PCDHGB2: variants seen among roughly 807,000 people sequenced by gnomAD.
PCDHGB2 encodes the protein protocadherin gamma subfamily B, 2.
A neutral mutation model predicts 59.3 loss-of-function variants in PCDHGB2; 55 were observed. The ratio of observed to expected loss-of-function variants is 0.93; its 90% CI spans 0.75 to 1.16. The LOEUF (loss-of-function observed/expected upper bound fraction) is 1.16, where lower values mean the gene tolerates loss of function less well. Among genes scored for constraint, PCDHGB2 ranks in the 50% most tolerant of loss-of-function variants. The pLI is 0.00. For synonymous variants in PCDHGB2, 516 were observed against 512.0 expected, an observed-to-expected ratio of 1.01 and a Z score of -0.11; for missense variants, 1,228 against 1,198.5, an observed-to-expected ratio of 1.02 and a Z score of -0.36.
At chr5:141,440,558 T>C (rs546919141) in intron 1 of PCDHGB2, 1 of 152,350 alleles carries the variant, frequency 6.6e-6, no homozygotes, top group East Asian at 1.9e-4. Context: ...TGTTATTAAG[T>C]TACGTATCTC....
At chr5:141,450,815 A>T (rs183350620) in intron 1 of PCDHGB2, among the ~76,000 whole-genome samples, 1,650 of 126,706 alleles carry the variant, frequency 0.013, 15 homozygotes, top group African/African-American at 0.032. Context: ...TATTTATTTA[A>T]TATTATTATT....
intron 1 of PCDHGB2, chr5:141,471,553 TG>T (rs1217142933): frequency 6.6e-6 from 1 of 152,224 alleles, no homozygotes; most frequent in African/African-American, 2.4e-5. Flanking sequence ...AAGGTTGCTT[TG>T]ACTCAGGGGT....
At chr5:141,366,924 G>T in intron 1 of PCDHGB2, 1 of 997,638 alleles carries the variant, frequency 1.0e-6, no homozygotes, top group Non-Finnish European at 1.4e-6. Flanking sequence ...TTCAAATTCT[G>T]TTTTGGGAAG....
intron 1 of PCDHGB2, chr5:141,419,312 G>A (rs35892780): frequency 1.2e-6 from 2 of 1,613,962 alleles, no homozygotes; most frequent in South Asian, 2.2e-5. Context: ...CGGGCTCAAC[G>A]GCCGTGTCTC....
intron 1 of PCDHGB2, chr5:141,375,706 T>C: frequency 6.2e-7 from 1 of 1,614,232 alleles, no homozygotes; most frequent in Non-Finnish European, 8.5e-7. Flanking sequence ...GGGACCCGCC[T>C]CTTAGCAGCA....
rs1471863168 is a variant in PCDHGB2, at chr5:141,476,550, G to A, written c.2422-18257G>A. ...ACCCAGGAAATGAAATTGGAGATTA[G>A]CGAGGCCGTGGCTCCGGGGACGCGC... On this transcript the variant is annotated intron_variant, in intron 1 of 3. Transcript: ENST00000522605. The surrounding 1 kb of genome is among the most constrained non-coding windows in gnomAD (Gnocchi z 7.6). 1.2e-6 allele frequency: 2 copies of A among 1,614,110 alleles called. No individual in the cohort carries two copies. The highest frequency in any genetic ancestry group is 4.5e-5 in the East Asian group (2 of 44,884).
Position 141,476,570 on chromosome 5 carries a change from A to G in PCDHGB2, c.2422-18237A>G. ...GATTAGCGAGGCCGTGGCTCCGGGG[A>G]CGCGCTTTCCGCTCGAGAGCGCGCA... On this transcript the variant is annotated intron_variant, in intron 1 of 3. Transcript: ENST00000522605. The surrounding 1 kb of genome is among the most constrained non-coding windows in gnomAD (Gnocchi z 7.6). 3 of 1,614,114 alleles carry G rather than the reference A, an allele frequency of 1.9e-6. No individual in the cohort carries two copies. The highest frequency in any genetic ancestry group is 2.5e-6 in the Non-Finnish European group (3 of 1,180,012).
intron 1 of PCDHGB2, among the ~76,000 whole-genome samples, chr5:141,467,109 A>G (rs1431550069): frequency 2.0e-5 from 3 of 150,594 alleles, no homozygotes; most frequent in African/African-American, 4.9e-5. Context: ...CTGGAGTACA[A>G]TGGTGCAATC....
rs1761497607 is a variant in PCDHGB2, at chr5:141,360,251, A to G, written c.116A>G (p.Glu39Gly). ...GTCCAGATCCGCTATTCAATTCCAG[A>G]GGAGCTGGCCAAAAACTCGGTCGTA... ...LPVQIRYSIP[E>G]ELAKNSVVGN... Residue 39 changes from glutamate (E) to glycine (G), a missense_variant, in exon 1 of 4, where the codon GAG (glutamate) becomes GGG (glycine). Around this residue, in one of 3 missense-constraint regions of PCDHGB2, gnomAD observed 781 missense variants for 721.6 expected, o/e 1.08. Transcript: ENST00000522605. The G allele has an allele frequency of 6.2e-7, 1 of 1,613,914 alleles. No homozygotes were observed. The highest frequency in any genetic ancestry group is 1.7e-5 in the Admixed American group (1 of 60,024).
intron 1 of PCDHGB2, chr5:141,410,343 G>C: frequency 6.2e-7 from 1 of 1,613,964 alleles, no homozygotes; most frequent in Non-Finnish European, 8.5e-7. Flanking sequence ...ATTGCCTTGC[G>C]CCTGCGACGC....
In PCDHGB2 at chr5:141,482,326, GAAT is replaced by G. The variant is rs1344469521; in HGVS notation, c.2422-12479_2422-12477del. Among the ~76,000 whole-genome samples, 3 of 152,072 alleles carry G rather than the reference GAAT, an allele frequency of 2.0e-5. No homozygotes were observed. The East Asian group carries it at 5.8e-4, about 29-fold the overall frequency. ...AGTTTCCTCATCTATAAAATAAAGAGAATATCTACTTTGCAAACTTGTTGTGAG... is the reference window on the plus strand; with the variant it reads ...AGTTTCCTCATCTATAAAATAAAGAGATCTACTTTGCAAACTTGTTGTGAG... On this transcript the variant is annotated intron_variant, in intron 1 of 3. Transcript: ENST00000522605.
At chr5:141,372,966 C>T (rs1024382365) in intron 1 of PCDHGB2, 3 of 687,330 alleles carry the variant, frequency 4.4e-6, no homozygotes, top group Non-Finnish European at 7.0e-6. Context: ...TGTAGAATTT[C>T]CTGTAGAATA....
At chr5:141,399,557 TG>T in intron 1 of PCDHGB2, 1 of 1,613,968 alleles carries the variant, frequency 6.2e-7, no homozygotes, top group Non-Finnish European at 8.5e-7. Context: ...GACCTGGACT[TG>T]GGGTTGAACG....
chr5:141,460,961 ATGTGTGTG>A (rs35821115), intron 1 of PCDHGB2, among the ~76,000 whole-genome samples: 11 of 144,552 alleles, frequency 7.6e-5, no homozygotes, highest in South Asian at 2.2e-4. Context: ...GTATATATAT[ATGTGTGTG>A]TGTGTGTGTG....
At position 141,373,653 on chromosome 5, in the gene PCDHGB2, A is replaced by T. The variant is rs149501628; in HGVS notation, c.2421+11097A>T. Among the ~76,000 whole-genome samples, 35 of 152,376 alleles carry T rather than the reference A, an allele frequency of 2.3e-4. No individual in the cohort carries two copies. In the East Asian group the frequency reaches 6.4e-3, roughly 28 times the overall value. On this transcript the variant is annotated intron_variant, in intron 1 of 3. Transcript: ENST00000522605. The stretch of plus-strand genomic sequence containing the variant: ...TTTCTGTTCCCCAAGGTCCTAAGAG[A>T]TATTTTCATAAAAATGAATGGTAAA...
chr5:141,403,201 C>G (rs1486888915), intron 1 of PCDHGB2: 1 of 1,614,002 alleles, frequency 6.2e-7, no homozygotes, highest in East Asian at 2.2e-5. Context: ...GCAGCGGCAC[C>G]TTGGTCACCG....
intron 1 of PCDHGB2, among the ~76,000 whole-genome samples, chr5:141,373,661 A>T (rs766983811): frequency 6.6e-6 from 1 of 152,270 alleles, no homozygotes; most frequent in Non-Finnish European, 1.5e-5. Context: ...AGATATTTTC[A>T]TAAAAATGAA....
intron 1 of PCDHGB2, chr5:141,400,729 A>G: frequency 1.5e-6 from 1 of 649,042 alleles, no homozygotes. Flanking sequence ...TTTACAAAGT[A>G]GTGAGAGTTT....
chr5:141,479,710 T>C (rs901198074), intron 1 of PCDHGB2: 1 of 152,264 alleles, frequency 6.6e-6, no homozygotes, highest in African/African-American at 2.4e-5. Flanking sequence ...GTCCCTGTCC[T>C]TCCAGCCTTA....
Sources: allele counts gnomAD v4.1 joint callset (sites outside exome capture counted in the v4.1 genomes callset), GRCh38; gene constraint gnomAD v4.1.1; regional missense constraint gnomAD v4.1.1; non-coding constraint Gnocchi (gnomAD v3.1); transcripts MANE v1.5; gene names NCBI Gene and HGNC (gene_info 2026-07-23, HGNC 2026-07-21).